Variants in ARAP2 observed in about 807,000 individuals in gnomAD.
The protein encoded by ARAP2 is arf-GAP with Rho-GAP domain, ANK repeat and PH domain-containing protein 2.
In ARAP2, 148 loss-of-function variants were observed where a neutral mutation model predicts 194.5. That is an observed-to-expected ratio of 0.76 (90% CI 0.67 to 0.87). The LOEUF is 0.87. ARAP2 is among the 40% of genes least tolerant of loss of function. The probability of loss-of-function intolerance (pLI) is 0.00; values close to 1 mark genes in which losing one functional copy is unlikely to be tolerated. For synonymous variants in ARAP2, 695 were observed against 683.5 expected (o/e 1.02, Z -0.26); for missense variants, 2,128 against 1,989.7 (o/e 1.07, Z -1.32).
chr4:36,234,431 A>C (rs6842872), intron 1 of ARAP2, among the ~76,000 whole-genome samples: 64,903 of 151,898 alleles, frequency 0.43, 14,303 homozygotes, highest in African/African-American at 0.53. Context: ...CTCTTAATAC[A>C]ATTCCCTTTG....
chr4:36,041,224 C>T (rs1202521025), intron 5 of ARAP2, among the ~76,000 whole-genome samples: 1 of 152,068 alleles, frequency 6.6e-6, no homozygotes, highest in African/African-American at 2.4e-5. Flanking sequence ...AAACTATCAA[C>T]AGAATGAATA....
Position 36,114,281 on chromosome 4 carries a change from G to T in ARAP2, c.4045C>A (p.Pro1349Thr). 1 of 1,557,198 alleles carries T rather than the reference G, an allele frequency of 6.4e-7. No homozygotes were observed. Among genetic ancestry groups the T allele is most frequent in the South Asian group, 1.2e-5 (1 of 86,944 alleles). The change falls in exon 26 of 33, where the codon CCT (proline) becomes ACT (threonine). Residue 1349 changes from proline (P) to threonine (T), a missense_variant. Physicochemically the swap from Pro to Thr is conservative, Grantham distance 38. Coordinates refer to ENST00000303965, the MANE Select transcript of ARAP2 (RefSeq NM_015230.4). ...GTTAATTCTTCTGCTTCCATCACAG[G>T]AGATATCTGTAAGAGAAGTAATATT... The part of the protein sequence containing the change: ...PDCSIIIRIS[P>T]VMEAEELTND...
intron 21 of ARAP2, among the ~76,000 whole-genome samples, chr4:36,126,297 C>G (rs528184474): frequency 6.6e-6 from 1 of 151,874 alleles, no homozygotes; most frequent in Non-Finnish European, 1.5e-5. Flanking sequence ...AACACTACTA[C>G]GCTTAAAACA....
chr4:36,018,851 T>C (rs1215730709), intron 6 of ARAP2, among the ~76,000 whole-genome samples: 1 of 152,186 alleles, frequency 6.6e-6, no homozygotes, highest in Non-Finnish European at 1.5e-5. Context: ...ATTTCTGTTT[T>C]TCTCTTTCCA....
chr4:36,203,898 C>G (rs1411179447), intron 6 of ARAP2, among the ~76,000 whole-genome samples: 1 of 151,918 alleles, frequency 6.6e-6, no homozygotes, highest in Admixed American at 6.6e-5. Context: ...GAAATAGACT[C>G]TACAGGAAAG....
chr4:36,192,768 C>T (rs926389257), intron 7 of ARAP2, among the ~76,000 whole-genome samples: 3 of 152,100 alleles, frequency 2.0e-5, no homozygotes, highest in East Asian at 1.9e-4. Context: ...GAGGCCAAGG[C>T]GGCAGATCAC....
chr4:36,202,139 C>G (rs1465734376), intron 6 of ARAP2, among the ~76,000 whole-genome samples: 1 of 152,086 alleles, frequency 6.6e-6, no homozygotes, highest in Non-Finnish European at 1.5e-5. Flanking sequence ...TAACGAGACC[C>G]AATATTTTCT....
At position 36,214,472 on chromosome 4, in the gene ARAP2, C is replaced by A. The variant is rs770791957; in HGVS notation, c.914G>T (p.Arg305Leu). ...TGAGGTAGCAACATTTCTTCTTTCA[C>A]GGAAATAGCTTAAAAAGCAAAGGAG... ...STKGVSGSYFRERRNVATSTE... is the reference protein window; with the variant it reads ...STKGVSGSYFLERRNVATSTE... The change falls in exon 3 of 33, where the codon CGT becomes CTT. Residue 305 changes from arginine to leucine, a missense_variant. By Grantham distance (102) the Arg-to-Leu change is moderately radical. Transcript: ENST00000303965. 3 of 1,589,726 alleles carry A rather than the reference C, an allele frequency of 1.9e-6. No homozygotes were observed. Among genetic ancestry groups the A allele is most frequent in the Admixed American group, 1.7e-5 (1 of 58,666 alleles).
At chr4:36,218,542 T>C (rs1450231811) in intron 2 of ARAP2, among the ~76,000 whole-genome samples, 1 of 152,076 alleles carries the variant, frequency 6.6e-6, no homozygotes, top group Non-Finnish European at 1.5e-5. Flanking sequence ...TGCACATCTA[T>C]ATGGAAGCAA....
Position 36,187,579 on chromosome 4 carries a change from G to C in ARAP2, c.1558-8C>G. 1 of 1,528,594 alleles carries C rather than the reference G, an allele frequency of 6.5e-7. No homozygotes were observed. The highest frequency in any genetic ancestry group is 2.4e-5 in the East Asian group (1 of 41,070). 94.7% of individuals were successfully genotyped at this position (1,528,594 alleles called of 1,614,324 possible). A position where few individuals can be genotyped will look rare whatever the true frequency, so the allele number is the denominator to read the frequency against. On this transcript the variant is annotated splice_region_variant and splice_polypyrimidine_tract_variant and intron_variant, in intron 7 of 32. Transcript: ENST00000303965. ...TCCTTTCGAATACATCTCCTGTATT[G>C]GTTAGAAAAAAAGAGAAGACATATG...
Position 36,068,064 on chromosome 4 carries a change from C to T in ARAP2, c.4958G>A (p.Gly1653Asp), listed in dbSNP as rs928557709. ...CTCAGTCTTCCTCAATGTCTTTAGG[C>T]CTTTATGGCCTTTTGGTTGCCCAAG... ...APLGQPKGHK[G>D]LKTLRKTEDR... The change falls in exon 33 of 33, where the codon GGC (glycine) becomes GAC (aspartate). Residue 1653 changes from glycine to aspartate, a missense_variant. Transcript: ENST00000303965. 6.2e-7 allele frequency: 1 copy of T among 1,614,108 alleles called. No individual in the cohort carries two copies. Among genetic ancestry groups the T allele is most frequent in the Non-Finnish European group, 8.5e-7 (1 of 1,179,988 alleles).
chr4:36,217,500 G>A (rs1407666397), intron 2 of ARAP2, among the ~76,000 whole-genome samples: 2 of 152,106 alleles, frequency 1.3e-5, no homozygotes, highest in Admixed American at 1.3e-4. Flanking sequence ...CAGCCTGGGT[G>A]ACAGAGGGAG....
Position 36,243,651 on chromosome 4 carries a change from C to T in ARAP2, c.-160+528G>A, listed in dbSNP as rs115264616. The T allele has an allele frequency of 7.4e-3, 1,124 of 152,264 alleles. 7 individuals are homozygous for T. Among genetic ancestry groups the T allele is most frequent in the South Asian group, 0.04 (193 of 4,826 alleles). The allele number at this position is 152,264 out of a possible 1,614,324, so 9.4% of individuals were successfully genotyped here. A position where few individuals can be genotyped will look rare whatever the true frequency, so the allele number is the denominator to read the frequency against. On this transcript the variant is annotated intron_variant, in intron 1 of 32. Transcript: ENST00000303965. ...ACACCACTTCTCCCAAGAGAACTGT[C>T]TCCAAAAGTAAACAAGAAAGATCAA...
intron 8 of ARAP2, among the ~76,000 whole-genome samples, chr4:36,179,304 T>C (rs1738679674): frequency 6.6e-6 from 1 of 152,194 alleles, no homozygotes; most frequent in Non-Finnish European, 1.5e-5. Flanking sequence ...AAATTAGTTG[T>C]ATACATATGA....
chr4:36,160,359 T>C, intron 13 of ARAP2, 100 bp downstream of exon 13: 1 of 1,279,014 alleles, frequency 7.8e-7, no homozygotes, highest in East Asian at 3.2e-5. Flanking sequence ...ATTAATAATT[T>C]TGTCAGATAG....
intron 19 of ARAP2, among the ~76,000 whole-genome samples, chr4:36,146,097 A>C (rs1280084913): frequency 1.3e-5 from 2 of 151,986 alleles, no homozygotes; most frequent in Non-Finnish European, 2.9e-5. Flanking sequence ...AAAAAACAGC[A>C]CCATAATTCA....
At chr4:36,049,975 A>G (rs1340756728) in intron 3 of ARAP2, among the ~76,000 whole-genome samples, 1 of 152,152 alleles carries the variant, frequency 6.6e-6, no homozygotes, top group Non-Finnish European at 1.5e-5. Flanking sequence ...TTTTGCGGTA[A>G]TTAGTTTTTT....
Position 36,161,471 on chromosome 4 carries a change from G to T in ARAP2, c.2253C>A (p.Leu751=). The T allele has an allele frequency of 6.2e-7, 1 of 1,613,504 alleles. No homozygotes were observed. Among genetic ancestry groups the T allele is most frequent in the Non-Finnish European group, 8.5e-7 (1 of 1,179,556 alleles). ...CAGGTTAAATAGGACTCACCTCGAT[G>T]AGTTCATTGCTCCAAATGCTAGCAT... The part of the protein sequence containing the change: ...KMDASIWSNE[L]IELFIVIGNK... Residue 751 remains leucine (L), a synonymous_variant, in exon 12 of 33, where the codon CTC becomes CTA. Coordinates refer to ENST00000303965, the MANE Select transcript of ARAP2 (RefSeq NM_015230.4).
intron 27 of ARAP2, among the ~76,000 whole-genome samples, chr4:36,104,493 C>T (rs1717858571): frequency 6.6e-6 from 1 of 151,746 alleles, no homozygotes; most frequent in Admixed American, 6.6e-5. Flanking sequence ...TTTTCCAAGA[C>T]AAAAATAAAT....
Sources: gnomAD v4.1 joint callset for allele counts (sites outside exome capture counted in the v4.1 genomes callset) on GRCh38, gnomAD v4.1.1 for gene constraint, MANE v1.5 for transcripts, NCBI Gene and HGNC (gene_info 2026-07-23, HGNC 2026-07-21) for gene names.